Variants in CDH18 observed in about 807,000 individuals in gnomAD.
CDH18 encodes cadherin-18.
A neutral mutation model predicts 67.9 loss-of-function variants in CDH18; 31 were observed. That is an observed-to-expected ratio of 0.46 (90% CI 0.34 to 0.62). The LOEUF (loss-of-function observed/expected upper bound fraction) is 0.62, where lower values mean the gene tolerates loss of function less well. CDH18 is among the 20% of genes least tolerant of loss of function. The pLI, the probability that CDH18 is intolerant of heterozygous loss-of-function variation, is 0.01. For missense variants in CDH18, 890 were observed against 975.5 expected (o/e 0.91, Z 1.17); for synonymous variants, 362 against 347.2 (o/e 1.04, Z -0.48).
At chr5:20,185,499 C>T (rs918940527) in intron 2 of CDH18, among the ~76,000 whole-genome samples, 6 of 152,092 alleles carry the variant, frequency 3.9e-5, no homozygotes, top group Non-Finnish European at 8.8e-5. Context: ...ACCTTGGTCA[C>T]TCTTAGTTCT....
chr5:20,347,349 C>T (rs1740785139), intron 1 of CDH18, among the ~76,000 whole-genome samples: 1 of 152,138 alleles, frequency 6.6e-6, no homozygotes, highest in South Asian at 2.1e-4. Flanking sequence ...AAACAATGTC[C>T]CCTCACAGCT....
chr5:19,649,318 A>T (rs1489837267), intron 5 of CDH18, among the ~76,000 whole-genome samples: 2 of 152,092 alleles, frequency 1.3e-5, no homozygotes, highest in African/African-American at 4.8e-5. Flanking sequence ...ACTCCCCTTT[A>T]AACATAAGAA....
intron 8 of CDH18, among the ~76,000 whole-genome samples, chr5:19,550,562 C>T (rs1442580490): frequency 6.6e-6 from 1 of 152,084 alleles, no homozygotes; most frequent in Middle Eastern, 3.2e-3. Context: ...TGGTTTCCAG[C>T]TTCATCCATG....
At chr5:19,815,902 G>C (rs1409070379) in intron 3 of CDH18, among the ~76,000 whole-genome samples, 2 of 151,746 alleles carry the variant, frequency 1.3e-5, no homozygotes, top group African/African-American at 2.4e-5. Context: ...CACATGATAG[G>C]ACACAGGTAA....
Position 19,926,882 on chromosome 5 carries a change from T to C in CDH18, c.-257+54178A>G, listed in dbSNP as rs1793152446. Among the ~76,000 whole-genome samples the C allele has an allele frequency of 2.0e-5, 3 of 152,216 alleles. No individual in the cohort carries two copies. The South Asian group carries it at 6.2e-4, about 32-fold the overall frequency. On this transcript the variant is annotated intron_variant, in intron 2 of 12. Coordinates refer to ENST00000382275, the MANE Select transcript of CDH18 (RefSeq NM_004934.5). Reference sequence around the variant, plus strand: ...ATAGATACAAATATATAACTTGTATTTTCAGGATAGAAAAGGTTTGCATAA... The same window carrying C: ...ATAGATACAAATATATAACTTGTATCTTCAGGATAGAAAAGGTTTGCATAA...
At chr5:20,300,264 T>C (rs1310928621) in intron 1 of CDH18, among the ~76,000 whole-genome samples, 4 of 151,420 alleles carry the variant, frequency 2.6e-5, no homozygotes, top group African/African-American at 7.3e-5. Context: ...CAACAGGATC[T>C]GAGCCAAACA....
intron 5 of CDH18, among the ~76,000 whole-genome samples, chr5:19,692,337 C>T (rs549370561): frequency 1.1e-4 from 16 of 152,172 alleles, no homozygotes; most frequent in Non-Finnish European, 2.2e-4. Flanking sequence ...AATTTTATGG[C>T]TAAGACCTCA....
rs115185907 is a variant in CDH18, at chr5:19,862,610, C to T, written c.-256-23368G>A. ...TTTAACTTCTTCTTGGGTAAACATA[C>T]CTCAGTACTGCAGGCAAAATGGTAT... On this transcript the variant is annotated intron_variant, in intron 2 of 12. Transcript: ENST00000382275. Among the ~76,000 whole-genome samples the T allele has an allele frequency of 5.4e-3, 829 of 152,286 alleles. 11 individuals are homozygous for T. The highest frequency in any genetic ancestry group is 0.019 in the African/African-American group (790 of 41,558).
chr5:20,025,160 C>T (rs1334589502), intron 2 of CDH18, among the ~76,000 whole-genome samples: 1 of 152,102 alleles, frequency 6.6e-6, no homozygotes, highest in Non-Finnish European at 1.5e-5. Flanking sequence ...TTCTTTCATG[C>T]TTTGAGGCAG....
At chr5:19,900,085 G>A (rs1158347440) in intron 2 of CDH18, among the ~76,000 whole-genome samples, 1 of 152,134 alleles carries the variant, frequency 6.6e-6, no homozygotes, top group Non-Finnish European at 1.5e-5. Flanking sequence ...GAATTATGTA[G>A]TCATACATTC....
chr5:19,564,561 A>C (rs993654700), intron 8 of CDH18, among the ~76,000 whole-genome samples: 6 of 152,064 alleles, frequency 3.9e-5, no homozygotes, highest in Admixed American at 1.3e-4. Flanking sequence ...GTAAGCATCA[A>C]CTGTAGCCAG....
chr5:20,313,326 T>C (rs1047706776), intron 1 of CDH18, among the ~76,000 whole-genome samples: 3 of 152,120 alleles, frequency 2.0e-5, no homozygotes, highest in African/African-American at 7.2e-5. Flanking sequence ...CCCCTTCTTC[T>C]ATAACACTAG....
chr5:19,702,124 A>G (rs1763334702), intron 5 of CDH18, among the ~76,000 whole-genome samples: 2 of 147,620 alleles, frequency 1.4e-5, no homozygotes, highest in East Asian at 2.1e-4. Flanking sequence ...ACTCTTCTGC[A>G]GTGTTCTTTC....
chr5:20,170,822 A>C (rs747622633), intron 2 of CDH18, among the ~76,000 whole-genome samples: 19 of 151,930 alleles, frequency 1.3e-4, no homozygotes, highest in Non-Finnish European at 2.1e-4. Flanking sequence ...CCTTGTACCC[A>C]AAAGTCTTTT....
At chr5:20,352,577 G>A (rs188114835) in intron 1 of CDH18, among the ~76,000 whole-genome samples, 246 of 145,072 alleles carry the variant, frequency 1.7e-3, no homozygotes, top group African/African-American at 5.6e-3. Context: ...TCAGGAGATC[G>A]AGACCATCCT....
intron 1 of CDH18, among the ~76,000 whole-genome samples, chr5:20,273,407 T>C (rs1745580058): frequency 6.6e-6 from 1 of 151,882 alleles, no homozygotes; most frequent in African/African-American, 2.4e-5. Flanking sequence ...AGGCAGATAA[T>C]ATGGAAAAAT....
At chr5:19,627,668 T>C (rs1193347573) in intron 5 of CDH18, among the ~76,000 whole-genome samples, 2 of 152,320 alleles carry the variant, frequency 1.3e-5, no homozygotes, top group Admixed American at 6.5e-5. Flanking sequence ...CATACACTTA[T>C]ATACATGCAT....
rs1399610527 is a variant in CDH18, at chr5:19,995,009, C to T, written c.-517-2995G>A. 7.3e-5 allele frequency among the ~76,000 whole-genome samples: 11 copies of T among 150,928 alleles called. No homozygotes were observed. In the Admixed American group the frequency reaches 7.3e-4, roughly 10 times the overall value. On this transcript the variant is annotated intron_variant, in intron 2 of 14. Coordinates refer to the CDH18 transcript ENST00000507958. ...TCCAGTCCAAACGTGAAGGCTTGAG[C>T]ACCAATGCTCAAGGACAGGAAAAGA...
At chr5:20,072,094 A>G (rs1285976328) in intron 2 of CDH18, among the ~76,000 whole-genome samples, 1 of 152,216 alleles carries the variant, frequency 6.6e-6, no homozygotes, top group Middle Eastern at 3.4e-3. Context: ...CTGTTTCTCC[A>G]TCATTCTTTT....
Sources: gnomAD v4.1 joint callset for allele counts (sites outside exome capture counted in the v4.1 genomes callset) on GRCh38, gnomAD v4.1.1 for gene constraint, MANE v1.5 for transcripts, NCBI Gene and HGNC (gene_info 2026-07-23, HGNC 2026-07-21) for gene names.